Variants in NRXN3 observed in about 807,000 individuals in gnomAD.
The protein encoded by NRXN3 is neurexin III.
Under a neutral mutation model 137.6 loss-of-function variants are expected in NRXN3, and 32 were observed. That is an observed-to-expected ratio of 0.23 (90% CI 0.18 to 0.31). The LOEUF (loss-of-function observed/expected upper bound fraction) is 0.31. Ranked by LOEUF, NRXN3 falls within the 10% of genes least tolerant of loss-of-function variation. The pLI, the probability that NRXN3 is intolerant of heterozygous loss-of-function variation, is 1.00. For synonymous variants in NRXN3, 798 were observed against 784.5 expected (o/e 1.02, Z -0.29); for missense variants, 1,574 against 2,062.5 (o/e 0.76, Z 4.59).
chr14:78,224,143 A>C (rs1337155588), intron 1 of NRXN3, among the ~76,000 whole-genome samples: 1 of 151,436 alleles, frequency 6.6e-6, no homozygotes, highest in Non-Finnish European at 1.5e-5. Context: ...AGACTTTCTT[A>C]GCTTGGCATC....
At chr14:78,935,033 C>T (rs1291012960) in intron 10 of NRXN3, among the ~76,000 whole-genome samples, 2 of 151,906 alleles carry the variant, frequency 1.3e-5, no homozygotes, top group Non-Finnish European at 2.9e-5. Flanking sequence ...CCTGTGCTTC[C>T]CTGGGCCTAC....
intron 16 of NRXN3, among the ~76,000 whole-genome samples, chr14:79,637,276 TAAAG>T (rs2098408865): frequency 1.3e-5 from 2 of 152,192 alleles, no homozygotes; most frequent in Admixed American, 6.5e-5. Flanking sequence ...GATCAAGTGT[TAAAG>T]AAGAATTGAT....
At chr14:78,944,031 G>A (rs1325804234) in intron 10 of NRXN3, among the ~76,000 whole-genome samples, 1 of 152,056 alleles carries the variant, frequency 6.6e-6, no homozygotes, top group Non-Finnish European at 1.5e-5. Flanking sequence ...TACAGGTTTG[G>A]TTAGGAGGGA....
At chr14:78,783,312 C>T (rs1006805995) in intron 8 of NRXN3, among the ~76,000 whole-genome samples, 1 of 152,132 alleles carries the variant, frequency 6.6e-6, no homozygotes, top group African/African-American at 2.4e-5. Flanking sequence ...TGAAAAAACA[C>T]TGGACAAAAC....
At chr14:78,812,918 A>G (rs1294849656) in intron 10 of NRXN3, among the ~76,000 whole-genome samples, 1 of 152,206 alleles carries the variant, frequency 6.6e-6, no homozygotes, top group Non-Finnish European at 1.5e-5. Flanking sequence ...CCAGTGTTTG[A>G]CTGGAAAAAA....
chr14:79,523,122 T>A (rs1396012811), intron 16 of NRXN3, among the ~76,000 whole-genome samples: 1 of 152,196 alleles, frequency 6.6e-6, no homozygotes, highest in Admixed American at 6.5e-5. Flanking sequence ...TTACACTGTG[T>A]GCGAACTTGG....
intron 16 of NRXN3, among the ~76,000 whole-genome samples, chr14:79,492,723 A>G (rs190076847): frequency 2.0e-5 from 3 of 152,280 alleles, no homozygotes; most frequent in East Asian, 1.9e-4. Flanking sequence ...TGAAATTTTC[A>G]AAGAACCTTA....
chr14:78,954,774 T>G (rs867145652), intron 10 of NRXN3, among the ~76,000 whole-genome samples: 2,239 of 150,086 alleles, frequency 0.015, 53 homozygotes, highest in African/African-American at 0.04. Context: ...CTGGTTTTTT[T>G]TTTTTTTTTT....
chr14:79,446,526 C>G (rs1047324219), intron 15 of NRXN3, among the ~76,000 whole-genome samples: 6 of 152,026 alleles, frequency 3.9e-5, no homozygotes, highest in African/African-American at 1.4e-4. Flanking sequence ...AAAAACTTAT[C>G]CTGTAAAGAA....
At chr14:78,759,992 C>T (rs1384467220) in intron 8 of NRXN3, among the ~76,000 whole-genome samples, 6 of 147,774 alleles carry the variant, frequency 4.1e-5, no homozygotes, top group Non-Finnish European at 6.0e-5. Context: ...TGCAAAATCA[C>T]ATAGTCTGTT....
At chr14:79,233,385 T>C (rs1568709150) in intron 15 of NRXN3, among the ~76,000 whole-genome samples, 1 of 152,156 alleles carries the variant, frequency 6.6e-6, no homozygotes, top group Admixed American at 6.6e-5. Flanking sequence ...TTCATTCACA[T>C]GCACTCCAGT....
intron 10 of NRXN3, among the ~76,000 whole-genome samples, chr14:78,864,549 C>G (rs531054214): frequency 1.3e-5 from 2 of 152,230 alleles, no homozygotes; most frequent in East Asian, 3.9e-4. Flanking sequence ...ATTATGAGTA[C>G]TTGCCACAAG....
At chr14:79,158,399 C>T (rs1030274171) in intron 15 of NRXN3, among the ~76,000 whole-genome samples, 1 of 151,782 alleles carries the variant, frequency 6.6e-6, no homozygotes, top group African/African-American at 2.4e-5. Flanking sequence ...TTTTGAGGAA[C>T]TCATAAATAC....
chr14:79,703,562 G>A (rs779189339), intron 19 of NRXN3, among the ~76,000 whole-genome samples: 2 of 152,034 alleles, frequency 1.3e-5, no homozygotes, highest in African/African-American at 4.8e-5. Flanking sequence ...TCACAGTTCC[G>A]TATGCCTGGA....
intron 15 of NRXN3, among the ~76,000 whole-genome samples, chr14:79,229,176 T>A (rs2071652612): frequency 6.6e-6 from 1 of 152,192 alleles, no homozygotes; most frequent in East Asian, 1.9e-4. Context: ...TATAGAATGT[T>A]TCTCCTTTTC....
At chr14:79,249,115 A>G (rs911003094) in intron 15 of NRXN3, 1 of 152,228 alleles carries the variant, frequency 6.6e-6, no homozygotes, top group Non-Finnish European at 1.5e-5. Flanking sequence ...GCTTCTAAGC[A>G]CATAGTTAGA....
chr14:79,861,307 T>C lies in NRXN3; in HGVS notation c.4094-35T>C, dbSNP rs2099413529. 6.5e-7 allele frequency: 1 copy of C among 1,535,988 alleles called. No individual in the cohort carries two copies. Among genetic ancestry groups the C allele is most frequent in the African/African-American group, 1.4e-5 (1 of 73,026 alleles). On this transcript the variant is annotated intron_variant, in intron 20 of 20. Transcript: ENST00000335750. The surrounding 1 kb of genome is among the most constrained non-coding windows in gnomAD (Gnocchi z 5.4). ...ACTCTAACCTGCCCCCTACTGATGATGAAGATTTTTACACCACCTTCTCCT... is the reference window on the plus strand; with the variant it reads ...ACTCTAACCTGCCCCCTACTGATGACGAAGATTTTTACACCACCTTCTCCT...
intron 19 of NRXN3, among the ~76,000 whole-genome samples, chr14:79,761,711 A>G (rs2139433064): frequency 6.9e-6 from 1 of 144,744 alleles, no homozygotes. Context: ...AAAAAAAAAT[A>G]GATCTCACTA....
chr14:78,979,470 A>T (rs2099482911), intron 14 of NRXN3, among the ~76,000 whole-genome samples: 1 of 152,176 alleles, frequency 6.6e-6, no homozygotes, highest in Non-Finnish European at 1.5e-5. Context: ...ATGTATATTC[A>T]TCTTTTTTCT....
Sources: allele counts gnomAD v4.1 joint callset (sites outside exome capture counted in the v4.1 genomes callset), GRCh38; gene constraint gnomAD v4.1.1; non-coding constraint Gnocchi (gnomAD v3.1); transcripts MANE v1.5; gene names NCBI Gene and HGNC (gene_info 2026-07-23, HGNC 2026-07-21).